NDE1: variants seen among roughly 807,000 people sequenced by gnomAD.
The protein encoded by NDE1 is nudE neurodevelopment protein 1, also known as nuclear distribution protein nudE homolog 1.
Under a neutral mutation model 43.4 loss-of-function variants are expected in NDE1, and 28 were observed. The observed-to-expected ratio is 0.65, with a 90% CI of 0.48 to 0.89. The LOEUF (loss-of-function observed/expected upper bound fraction) is 0.89, where lower values mean the gene tolerates loss of function less well. Ranked by LOEUF, NDE1 falls within the 40% of genes least tolerant of loss-of-function variation. The pLI is 0.00. For missense variants in NDE1, 441 were observed against 434.1 expected (o/e 1.02, Z -0.14); for synonymous variants, 184 against 172.0 (o/e 1.07, Z -0.55).
chr16:15,723,320 G>A (rs1477949377), intron 8 of NDE1, among the ~76,000 whole-genome samples: 2 of 152,122 alleles, frequency 1.3e-5, no homozygotes, highest in East Asian at 3.9e-4. Flanking sequence ...GTACCCAAGA[G>A]ATAAGGCATG....
chr16:15,682,218 G>T (rs556062468), intron 4 of NDE1, among the ~76,000 whole-genome samples: 1 of 152,198 alleles, frequency 6.6e-6, no homozygotes, highest in East Asian at 1.9e-4. Flanking sequence ...TTGAGACAAG[G>T]TCTCTCTCTG....
At chr16:15,703,354 G>A (rs562292662) in intron 8 of NDE1, 4 of 235,648 alleles carry the variant, frequency 1.7e-5, no homozygotes, top group Admixed American at 1.0e-4. Context: ...AGGTTTGCAG[G>A]TTAGGGAATG....
chr16:15,653,300 A>G (rs1859721414), intron 1 of NDE1, among the ~76,000 whole-genome samples: 2 of 152,156 alleles, frequency 1.3e-5, no homozygotes, highest in Admixed American at 1.3e-4. Context: ...TTGCCTGCCT[A>G]AGTATTTTTG....
intron 8 of NDE1, chr16:15,718,028 A>G: frequency 3.9e-6 from 2 of 518,042 alleles, no homozygotes; most frequent in Non-Finnish European, 7.0e-6. Flanking sequence ...AACGCAATGA[A>G]AGAGCATCCC....
intron 8 of NDE1, chr16:15,721,366 GCA>G (rs1296718880): frequency 1.9e-6 from 3 of 1,566,142 alleles, no homozygotes; most frequent in Non-Finnish European, 2.6e-6. Context: ...CTGGTGAATA[GCA>G]CAGAGGGTGG....
At chr16:15,662,910 G>A (rs970101084) in intron 1 of NDE1, among the ~76,000 whole-genome samples, 13 of 151,990 alleles carry the variant, frequency 8.6e-5, no homozygotes, top group African/African-American at 2.9e-4. Context: ...CATTGCTGCA[G>A]GAGCTCCCCA....
chr16:15,708,747 CAGAAA>C lies in NDE1; in HGVS notation c.947+11893_947+11897del, dbSNP rs144505034. Reference sequence around the variant, plus strand: ...GGGGTGGGCAGAGGGGCGCATTGGGCAGAAAAGAAATGGATACTGAGACAACACAC... The same window carrying C: ...GGGGTGGGCAGAGGGGCGCATTGGGCAGAAATGGATACTGAGACAACACAC... On this transcript the variant is annotated intron_variant, in intron 8 of 8. Coordinates refer to ENST00000396354, the MANE Select transcript of NDE1 (RefSeq NM_017668.3). 5.1e-3 allele frequency: 7,943 copies of C among 1,568,632 alleles called. 347 individuals are homozygous for C. In the African/African-American group the frequency reaches 0.095, roughly 19 times the overall value.
In NDE1 at chr16:15,726,049, C is replaced by T. The variant is rs1022007143; in HGVS notation, c.*1798C>T. On this transcript the variant is annotated 3_prime_UTR_variant, in exon 9 of 9. Transcript: ENST00000396354. ...CTACTTACCACAGGGCCTTTGCACA[C>T]GCTGTTCCCTCTGCCTGGTAGACTT... The T allele has an allele frequency of 6.6e-5, 14 of 212,216 alleles. No homozygotes were observed. Among genetic ancestry groups the T allele is most frequent in the Middle Eastern group, 3.3e-3 (2 of 608 alleles). The allele number at this position is 212,216 out of a possible 1,614,324, so 13.1% of individuals were successfully genotyped here.
At chr16:15,677,022 G>A (rs1044973914) in intron 3 of NDE1, among the ~76,000 whole-genome samples, 4 of 152,162 alleles carry the variant, frequency 2.6e-5, no homozygotes, top group Admixed American at 2.6e-4. Context: ...GGAGGCTATA[G>A]GAATCTCAAC....
intron 3 of NDE1, among the ~76,000 whole-genome samples, chr16:15,677,044 T>C (rs1487579504): frequency 6.6e-6 from 1 of 152,046 alleles, no homozygotes; most frequent in Non-Finnish European, 1.5e-5. Flanking sequence ...CTGTTGAGAG[T>C]AGGCAAGATT....
intron 8 of NDE1, among the ~76,000 whole-genome samples, chr16:15,708,525 G>A (rs1201482698): frequency 3.9e-5 from 6 of 152,200 alleles, no homozygotes; most frequent in African/African-American, 7.2e-5. Flanking sequence ...CTGCCATCTC[G>A]TCAAGATGCA....
At chr16:15,643,549 T>G (rs1010750700) in exon 1 of NDE1, 2 of 347,848 alleles carry the variant, frequency 5.7e-6, no homozygotes, top group Non-Finnish European at 1.1e-5. Flanking sequence ...GGGATTTCAA[T>G]GAAAAACCCT....
At chr16:15,694,343 T>C (rs922058573) in intron 7 of NDE1, 87 bp downstream of exon 7, 24 of 1,552,034 alleles carry the variant, frequency 1.5e-5, no homozygotes, top group Non-Finnish European at 1.9e-5. Context: ...CTTCCCTCTC[T>C]TCTTTTTTTC....
chr16:15,692,195 C>T (rs1029686818), intron 6 of NDE1, among the ~76,000 whole-genome samples: 38 of 152,316 alleles, frequency 2.5e-4, no homozygotes, highest in African/African-American at 7.9e-4. Flanking sequence ...CTGCAGCCTT[C>T]GCCGCAGGCC....
At chr16:15,669,789 C>T (rs2037501032) in intron 3 of NDE1, among the ~76,000 whole-genome samples, 1 of 152,224 alleles carries the variant, frequency 6.6e-6, no homozygotes, top group South Asian at 2.1e-4. Context: ...GTCACCCCGC[C>T]TGACCACACT....
At chr16:15,703,363 T>C (rs563088462) in intron 8 of NDE1, 2 of 236,548 alleles carry the variant, frequency 8.5e-6, no homozygotes, top group East Asian at 1.2e-4. Context: ...GGTTAGGGAA[T>C]GAATTGGGAG....
At chr16:15,693,955 T>C (rs1042468663) in intron 6 of NDE1, among the ~76,000 whole-genome samples, 1 of 152,146 alleles carries the variant, frequency 6.6e-6, no homozygotes, top group Non-Finnish European at 1.5e-5. Context: ...TAAGTATTTG[T>C]TGCAGTCATC....
At chr16:15,672,433 A>G (rs2037643794) in intron 3 of NDE1, among the ~76,000 whole-genome samples, 1 of 152,158 alleles carries the variant, frequency 6.6e-6, no homozygotes, top group Non-Finnish European at 1.5e-5. Flanking sequence ...GACTCAGAGC[A>G]CACAGCACAG....
intron 7 of NDE1, 57 bp downstream of exon 7, chr16:15,694,313 G>A: frequency 1.3e-6 from 2 of 1,592,096 alleles, no homozygotes; most frequent in Non-Finnish European, 1.7e-6. Flanking sequence ...CAGGATGTGT[G>A]AAGGGGGTTG....
Sources: gnomAD v4.1 joint callset for allele counts (sites outside exome capture counted in the v4.1 genomes callset) on GRCh38, gnomAD v4.1.1 for gene constraint, MANE v1.5 for transcripts, NCBI Gene and HGNC (gene_info 2026-07-23, HGNC 2026-07-21) for gene names.